Variants in AP2A1 observed in about 807,000 individuals in gnomAD.
AP2A1 encodes the protein adaptor related protein complex 2 subunit alpha 1, also known as AP-2 complex subunit alpha-1.
Under a neutral mutation model 107.3 loss-of-function variants are expected in AP2A1, and 21 were observed. The observed-to-expected ratio is 0.20, with a 90% CI of 0.14 to 0.28. AP2A1 has a LOEUF of 0.28. Among genes scored for constraint, AP2A1 ranks in the 10% least tolerant of loss-of-function variants. The pLI, the probability that AP2A1 is intolerant of heterozygous loss-of-function variation, is 1.00. For missense variants in AP2A1, 873 were observed against 1,307.7 expected, an observed-to-expected ratio of 0.67 and a Z score of 5.13; for synonymous variants, 602 against 564.8, an observed-to-expected ratio of 1.07 and a Z score of -0.93.
chr19:49,800,787 T>G, intron 11 of AP2A1, 174 bp from the exon 12 acceptor site: 1 of 555,956 alleles, frequency 1.8e-6, no homozygotes, highest in South Asian at 2.3e-5. Context: ...CCTGTTTTAC[T>G]TCCTGTGTGA....
chr19:49,778,557 T>C (rs1238427359), intron 1 of AP2A1, among the ~76,000 whole-genome samples: 1 of 152,134 alleles, frequency 6.6e-6, no homozygotes, highest in Non-Finnish European at 1.5e-5. Context: ...CTCTCCAGCC[T>C]GGGCGACAAG....
intron 18 of AP2A1, 160 bp from the exon 19 acceptor site, chr19:49,805,293 T>G: frequency 1.2e-6 from 1 of 867,044 alleles, no homozygotes; most frequent in Non-Finnish European, 1.7e-6. Flanking sequence ...TTCCATAGTA[T>G]GAACTTTGTA....
chr19:49,783,378 C>G (rs889990361), intron 4 of AP2A1, among the ~76,000 whole-genome samples: 23 of 152,124 alleles, frequency 1.5e-4, no homozygotes, highest in African/African-American at 5.1e-4. Flanking sequence ...ATAGTCCCAG[C>G]TACTCGGGAA....
chr19:49,794,058 G>A (rs1476803769), intron 6 of AP2A1, among the ~76,000 whole-genome samples: 1 of 147,564 alleles, frequency 6.8e-6, no homozygotes, highest in African/African-American at 2.5e-5. Flanking sequence ...CTGCCACTAT[G>A]CCCGGCTAAT....
chr19:49,798,288 G>A (rs7251463), intron 7 of AP2A1, among the ~76,000 whole-genome samples: 63,025 of 151,928 alleles, frequency 0.41, 13,256 homozygotes, highest in Middle Eastern at 0.49. Context: ...GTCTCCTTTG[G>A]CCTCCCAGCC....
At chr19:49,798,764 A>G (rs770179425) in intron 7 of AP2A1, 38 bp from the exon 8 acceptor site, 1 of 1,588,052 alleles carries the variant, frequency 6.3e-7, no homozygotes. Context: ...CCAGGTGGGC[A>G]GGACACTCAG....
At chr19:49,795,828 A>T (rs2073206887) in intron 7 of AP2A1, 90 bp downstream of exon 7, 4 of 1,019,652 alleles carry the variant, frequency 3.9e-6, no homozygotes, top group South Asian at 1.4e-5. Context: ...GTGGGACTGG[A>T]GGGTCTGGGT....
chr19:49,768,249 G>A (rs1346990136), intron 1 of AP2A1, among the ~76,000 whole-genome samples: 1 of 152,060 alleles, frequency 6.6e-6, no homozygotes. Flanking sequence ...GAATCCTGGC[G>A]GCAAGTCAGC....
At chr19:49,775,958 A>C (rs1379892673) in intron 1 of AP2A1, among the ~76,000 whole-genome samples, 2 of 152,080 alleles carry the variant, frequency 1.3e-5, no homozygotes, top group African/African-American at 2.4e-5. Flanking sequence ...GGAAGGCGTT[A>C]TCTCCCCTAA....
Position 49,801,745 on chromosome 19 carries a change from G to C in AP2A1, c.1809G>C (p.Pro603=). The C allele has an allele frequency of 1.9e-6, 3 of 1,565,130 alleles. No individual in the cohort carries two copies. Among genetic ancestry groups the C allele is most frequent in the Non-Finnish European group, 2.6e-6 (3 of 1,157,860 alleles). Residue 603 remains proline, a synonymous_variant, in exon 14 of 23, where the codon CCG becomes CCC. Coordinates refer to ENST00000354293, the MANE Select transcript of AP2A1 (RefSeq NM_130787.3). ...AGGCCACGGTGCTGGAGGAGATGCC[G>C]CCCTTCCCCGAGCGCGAGTCGTCCA... is the stretch of plus-strand genomic sequence containing the variant. The part of the protein sequence containing the change: ...DVLATVLEEM[P]PFPERESSIL...
Position 49,807,013 on chromosome 19 carries a change from T to C in AP2A1, c.*255T>C, listed in dbSNP as rs763820553. 17 of 1,517,798 alleles carry C rather than the reference T, an allele frequency of 1.1e-5. No individual in the cohort carries two copies. The highest frequency in any genetic ancestry group is 1.3e-5 in the Non-Finnish European group (15 of 1,135,208). 94.0% of individuals were successfully genotyped at this position (1,517,798 alleles called of 1,614,324 possible). On this transcript the variant is annotated 3_prime_UTR_variant, in exon 23 of 23. Transcript: ENST00000354293. ...AGGGGAGAGGGGCCAGGGAAGTGGA[T>C]GTCTCCTCCCCTCCCACCCCACCCT...
intron 4 of AP2A1, among the ~76,000 whole-genome samples, chr19:49,787,326 C>CTTTTTTTTTTT (rs201187935): frequency 8.6e-6 from 1 of 116,770 alleles, no homozygotes; most frequent in Admixed American, 8.7e-5. Flanking sequence ...CCCATCTAGG[C>CTTTTTTTTTTT]TTTTTTTGTT....
rs564670915 is a variant in AP2A1 at position 49,773,962 on chromosome 19, T to C, written c.67+6762T>C. ...GCCAGAGAGGGAACAGGGTAGATGG[T>C]GCAGGCCCTTGTGGGCTGCAGTGAG... On this transcript the variant is annotated intron_variant, in intron 1 of 22. Transcript: ENST00000354293. Among the ~76,000 whole-genome samples, 3 of 152,248 alleles carry C rather than the reference T, an allele frequency of 2.0e-5. No individual in the cohort carries two copies. The South Asian group carries it at 6.2e-4, about 32-fold the overall frequency.
chr19:49,802,476 G>T, intron 15 of AP2A1: 1 of 1,552,574 alleles, frequency 6.4e-7, no homozygotes, highest in Non-Finnish European at 8.8e-7. Context: ...TGCCTATGTG[G>T]AATTGGCTGC....
At position 49,779,209 on chromosome 19, in the gene AP2A1, C is replaced by T. The variant is rs866541231; in HGVS notation, c.68-2548C>T. On this transcript the variant is annotated intron_variant, in intron 1 of 22. Transcript: ENST00000354293. ...AAATTAGCTAGGGGTGGGTGGCAGG[C>T]GCCTGTAGTCCCAGCTACTTGGGAG... is the stretch of plus-strand genomic sequence containing the variant. 2.6e-5 allele frequency among the ~76,000 whole-genome samples: 4 copies of T among 151,466 alleles called. No individual in the cohort carries two copies. In the East Asian group the frequency reaches 5.8e-4, roughly 22 times the overall value.
At chr19:49,795,596 A>G in intron 6 of AP2A1, 34 bp from the exon 7 acceptor site, 2 of 233,900 alleles carry the variant, frequency 8.6e-6, no homozygotes, top group Admixed American at 8.3e-5. Context: ...CTCCCACCCC[A>G]GCCCCCAACT....
At chr19:49,793,384 G>A (rs535308078) in intron 6 of AP2A1, among the ~76,000 whole-genome samples, 3 of 152,278 alleles carry the variant, frequency 2.0e-5, no homozygotes, top group East Asian at 1.9e-4. Flanking sequence ...CTCGCGGGCC[G>A]AGCACCCCGG....
At chr19:49,803,420 G>T in intron 18 of AP2A1, 44 bp downstream of exon 18, 1 of 1,558,768 alleles carries the variant, frequency 6.4e-7, no homozygotes, top group Non-Finnish European at 8.8e-7. Flanking sequence ...CTCCACGTCG[G>T]CCTTCCTCAC....
intron 1 of AP2A1, among the ~76,000 whole-genome samples, chr19:49,775,208 A>G (rs1054313285): frequency 1.3e-5 from 2 of 152,204 alleles, no homozygotes; most frequent in Non-Finnish European, 2.9e-5. Context: ...AGCCTGGACA[A>G]TACAGCAAGA....
Sources: gnomAD v4.1 joint callset for allele counts (sites outside exome capture counted in the v4.1 genomes callset) on GRCh38, gnomAD v4.1.1 for gene constraint, MANE v1.5 for transcripts, NCBI Gene and HGNC (gene_info 2026-07-23, HGNC 2026-07-21) for gene names.